PAG1: variants seen among roughly 807,000 people sequenced by gnomAD.
PAG1 encodes the protein phosphoprotein associated with glycosphingolipid-enriched microdomains 1.
In PAG1, 23 loss-of-function variants were observed where a neutral mutation model predicts 31.7. That is an observed-to-expected ratio of 0.73 (90% confidence interval 0.52 to 1.03). The LOEUF (loss-of-function observed/expected upper bound fraction) is 1.03. Ranked by LOEUF, PAG1 falls within the 50% of genes least tolerant of loss-of-function variation. The pLI, the probability that PAG1 is intolerant of heterozygous loss-of-function variation, is 0.00. For missense variants in PAG1, 473 were observed against 540.7 expected, an observed-to-expected ratio of 0.87 and a Z score of 1.24; for synonymous variants, 214 against 210.3, an observed-to-expected ratio of 1.02 and a Z score of -0.15.
chr8:81,055,899 G>A (rs1808814665), intron 2 of PAG1, among the ~76,000 whole-genome samples: 1 of 152,206 alleles, frequency 6.6e-6, no homozygotes, highest in Admixed American at 6.5e-5. Context: ...CATGTCATCT[G>A]CAAACAGGGA....
intron 2 of PAG1, among the ~76,000 whole-genome samples, chr8:81,069,562 T>C (rs570222908): frequency 6.6e-6 from 1 of 152,386 alleles, no homozygotes; most frequent in Admixed American, 6.5e-5. Context: ...ACATTTGGTC[T>C]GTTCGCAGAA....
intron 3 of PAG1, among the ~76,000 whole-genome samples, chr8:80,999,468 G>A (rs1563623800): frequency 1.3e-5 from 2 of 152,196 alleles, no homozygotes; most frequent in South Asian, 2.1e-4. Flanking sequence ...AGCAGTTTAA[G>A]AATGAGTGTA....
At chr8:81,087,555 A>G (rs1586212242) in intron 1 of PAG1, among the ~76,000 whole-genome samples, 2 of 152,218 alleles carry the variant, frequency 1.3e-5, no homozygotes, top group African/African-American at 2.4e-5. Flanking sequence ...GGATAAGTCA[A>G]TTGAGGAATA....
At chr8:81,016,602 C>G (rs1032318652) in intron 3 of PAG1, among the ~76,000 whole-genome samples, 1 of 152,224 alleles carries the variant, frequency 6.6e-6, no homozygotes, top group African/African-American at 2.4e-5. Flanking sequence ...TACCATTTCT[C>G]AGGAACACCC....
chr8:81,057,220 G>A (rs1212525417), intron 2 of PAG1, among the ~76,000 whole-genome samples: 5 of 152,116 alleles, frequency 3.3e-5, no homozygotes, highest in Admixed American at 2.6e-4. Context: ...CCACTACTGG[G>A]CATATACTCA....
At chr8:80,994,215 T>C (rs1807625139) in intron 3 of PAG1, among the ~76,000 whole-genome samples, 1 of 152,194 alleles carries the variant, frequency 6.6e-6, no homozygotes. Flanking sequence ...AGAATGTCTT[T>C]ATATTCACCT....
chr8:81,060,592 T>C (rs1161931133), intron 2 of PAG1, among the ~76,000 whole-genome samples: 1 of 152,242 alleles, frequency 6.6e-6, no homozygotes, highest in Non-Finnish European at 1.5e-5. Flanking sequence ...CTTTATGGCA[T>C]GTACAAAAGG....
At chr8:81,025,703 G>T (rs1195913873) in intron 3 of PAG1, among the ~76,000 whole-genome samples, 2 of 152,186 alleles carry the variant, frequency 1.3e-5, no homozygotes, top group Non-Finnish European at 2.9e-5. Flanking sequence ...GCATGTCACA[G>T]GATGCAGTTC....
At chr8:80,987,009 A>G (rs1367867290) in intron 6 of PAG1, among the ~76,000 whole-genome samples, 1 of 152,222 alleles carries the variant, frequency 6.6e-6, no homozygotes. Context: ...TACAGCAGCA[A>G]TGTGCCCAGT....
chr8:80,990,359 C>A lies in PAG1; in HGVS notation c.177+1120G>T, dbSNP rs1351272673. On this transcript the variant is annotated intron_variant, in intron 5 of 8. Coordinates refer to ENST00000220597, the MANE Select transcript of PAG1 (RefSeq NM_018440.4). The surrounding 1 kb of genome is among the most constrained non-coding windows in gnomAD (Gnocchi z 5.1). ...AGACTGGAGATGCCCCTGGTCATCTCTGCAAACGTCTGCTGGCTGCGGGTT... is the reference window on the plus strand; with the variant it reads ...AGACTGGAGATGCCCCTGGTCATCTATGCAAACGTCTGCTGGCTGCGGGTT... Among the ~76,000 whole-genome samples, 1 of 152,154 alleles carries A rather than the reference C, an allele frequency of 6.6e-6. No individual in the cohort carries two copies. Among genetic ancestry groups the A allele is most frequent in the African/African-American group, 2.4e-5 (1 of 41,430 alleles).
intron 2 of PAG1, among the ~76,000 whole-genome samples, chr8:81,038,251 G>C (rs142798281): frequency 5.6e-4 from 85 of 152,298 alleles, no homozygotes; most frequent in African/African-American, 2.0e-3. Context: ...CTTGAAGTCT[G>C]CCCAGGTATG....
At chr8:80,989,028 A>C (rs911356244) in intron 5 of PAG1, among the ~76,000 whole-genome samples, 13 of 152,254 alleles carry the variant, frequency 8.5e-5, no homozygotes, top group Admixed American at 2.0e-4. Flanking sequence ...CTCATGCTCC[A>C]GGATTCTACA....
intron 2 of PAG1, among the ~76,000 whole-genome samples, chr8:81,031,220 C>T (rs1412783619): frequency 6.6e-6 from 1 of 152,168 alleles, no homozygotes; most frequent in African/African-American, 2.4e-5. Context: ...TTTTGTTTGC[C>T]ACTGCATTTA....
chr8:81,056,082 T>C (rs1563645213), intron 2 of PAG1, among the ~76,000 whole-genome samples: 2 of 152,206 alleles, frequency 1.3e-5, no homozygotes, highest in South Asian at 2.1e-4. Flanking sequence ...CAGTATGATA[T>C]TGGCTGTGGG....
chr8:81,080,063 C>T (rs537418388), intron 1 of PAG1, among the ~76,000 whole-genome samples: 1 of 152,270 alleles, frequency 6.6e-6, no homozygotes, highest in Admixed American at 6.5e-5. Flanking sequence ...AGCCACTGCA[C>T]CTGGCACAAA....
intron 4 of PAG1, 133 bp downstream of exon 4, chr8:80,992,970 T>A: frequency 1.5e-6 from 1 of 675,790 alleles, no homozygotes; most frequent in East Asian, 2.8e-5. Context: ...GAGAAGAGAG[T>A]TAAAGCTAAT....
intron 4 of PAG1, among the ~76,000 whole-genome samples, chr8:80,991,898 G>A (rs1436309632): frequency 6.8e-6 from 1 of 147,738 alleles, no homozygotes; most frequent in Non-Finnish European, 1.5e-5. Context: ...ACAATTATCT[G>A]AGTCTCTGCA....
intron 6 of PAG1, among the ~76,000 whole-genome samples, chr8:80,986,725 T>A (rs1807430702): frequency 6.7e-6 from 1 of 149,502 alleles, no homozygotes; most frequent in Admixed American, 6.8e-5. Context: ...GGCTGTTAAT[T>A]AGATGACTCC....
intron 7 of PAG1, 130 bp downstream of exon 7, chr8:80,984,646 T>C (rs1807375713): frequency 1.2e-6 from 1 of 839,956 alleles, no homozygotes. Context: ...ACAGCTTACA[T>C]GAAAACAGCT....
Sources: allele counts gnomAD v4.1 joint callset (sites outside exome capture counted in the v4.1 genomes callset), GRCh38; gene constraint gnomAD v4.1.1; non-coding constraint Gnocchi (gnomAD v3.1); transcripts MANE v1.5; gene names NCBI Gene and HGNC (gene_info 2026-07-23, HGNC 2026-07-21).